Variants in CD180 observed in about 807,000 individuals in gnomAD.
CD180 encodes the protein CD180 molecule, also known as CD180 antigen.
A neutral mutation model predicts 10.7 loss-of-function variants in CD180; 11 were observed. That is an observed-to-expected ratio of 1.03 (90% confidence interval 0.65 to 1.70). CD180 has a LOEUF of 1.70. CD180 is among the 40% of genes most tolerant of loss of function. The pLI, the probability that CD180 is intolerant of heterozygous loss-of-function variation, is 0.00. For missense variants in CD180, 729 were observed against 775.2 expected (o/e 0.94, Z 0.71); for synonymous variants, 286 against 294.6 (o/e 0.97, Z 0.30).
At position 67,196,532 on chromosome 5, in the gene CD180, G is replaced by A. The variant is rs377756708; in HGVS notation, c.90+20C>T. 67 of 1,613,586 alleles carry A rather than the reference G, an allele frequency of 4.2e-5. No individual in the cohort carries two copies. Among genetic ancestry groups the A allele is most frequent in the East Asian group, 2.5e-4 (11 of 44,872 alleles). On this transcript the variant is annotated intron_variant, in intron 1 of 2. Transcript: ENST00000256447. ...TTTCAGACAGTTTAATCTGCATAAA[G>A]ACAAACAGTTTGGACTCACCTCAAT...
At chr5:67,189,122 G>A (rs1037594227) in intron 1 of CD180, among the ~76,000 whole-genome samples, 6 of 152,164 alleles carry the variant, frequency 3.9e-5, no homozygotes, top group East Asian at 1.9e-4. Flanking sequence ...TGTCACATAC[G>A]GTTGGAGAAA....
chr5:67,191,248 C>G (rs1469679110), intron 1 of CD180, among the ~76,000 whole-genome samples: 2 of 152,212 alleles, frequency 1.3e-5, no homozygotes, highest in African/African-American at 4.8e-5. Context: ...TCTCAACCAC[C>G]AAGCTGTGTT....
In CD180 at chr5:67,182,582, T is replaced by A. The variant is rs1237857710; in HGVS notation, c.*275A>T. ...CGGCAGTCCCTGCCCAGTCCCTCCC[T>A]CTGCTTCCTCCCACTCTTCCACATG... On this transcript the variant is annotated 3_prime_UTR_variant, in exon 3 of 3. Transcript: ENST00000256447. 3.7e-6 allele frequency: 1 copy of A among 268,344 alleles called. No homozygotes were observed. Among genetic ancestry groups the A allele is most frequent in the Non-Finnish European group, 7.0e-6 (1 of 142,464 alleles). 16.6% of individuals were successfully genotyped at this position (268,344 alleles called of 1,614,324 possible). A position where few individuals can be genotyped will look rare whatever the true frequency, so the allele number is the denominator to read the frequency against.
At chr5:67,188,886 C>A (rs1742250974) in intron 1 of CD180, among the ~76,000 whole-genome samples, 1 of 152,154 alleles carries the variant, frequency 6.6e-6, no homozygotes, top group Non-Finnish European at 1.5e-5. Context: ...CAGGCACTGC[C>A]ACAAATCCAC....
chr5:67,190,672 C>T (rs150181775), intron 1 of CD180, among the ~76,000 whole-genome samples: 105 of 152,348 alleles, frequency 6.9e-4, no homozygotes, highest in Middle Eastern at 3.4e-3. Context: ...GGGGCATTCG[C>T]TTGGGACTCA....
intron 1 of CD180, among the ~76,000 whole-genome samples, chr5:67,192,568 C>T (rs1384087361): frequency 6.6e-6 from 1 of 152,026 alleles, no homozygotes; most frequent in Non-Finnish European, 1.5e-5. Flanking sequence ...GGGGAGCAGG[C>T]ACGCTGCATG....
Position 67,182,985 on chromosome 5 carries a change from C to T in CD180, c.1858G>A (p.Asp620Asn), listed in dbSNP as rs746362762. The T allele has an allele frequency of 1.9e-6, 3 of 1,614,226 alleles. No homozygotes were observed. Among genetic ancestry groups the T allele is most frequent in the Non-Finnish European group, 2.5e-6 (3 of 1,180,038 alleles). ...PPSLRGVKLS[D>N]VKLSCGITAI... is the part of the protein sequence containing the mutation. ...GTAATCCCACAGGAAAGCTTGACAT[C>T]AGATAGCTTAACTCCCCTTAGAGAT... Residue 620 changes from aspartate to asparagine, a missense_variant, in exon 3 of 3, where the codon GAT becomes AAT. Coordinates refer to ENST00000256447, the MANE Select transcript of CD180 (RefSeq NM_005582.3).
At position 67,184,545 on chromosome 5, in the gene CD180, G is replaced by T. The variant is rs1437964689; in HGVS notation, c.298C>A (p.His100Asn). The change falls in exon 3 of 3, where the codon CAT (histidine) becomes AAT (asparagine). Residue 100 changes from histidine (H) to asparagine (N), a missense_variant. Transcript: ENST00000256447. ...NWIHEDTFQS[H>N]HQLSTLVLTG... is the part of the protein sequence containing the mutation. ...AACACAAGTGTGCTTAATTGATGAT[G>T]GCTTTGAAAAGTGTCTTCATGTATC... is the stretch of plus-strand genomic sequence containing the variant. The T allele has an allele frequency of 6.2e-7, 1 of 1,604,050 alleles. No homozygotes were observed. Among genetic ancestry groups the T allele is most frequent in the Admixed American group, 1.7e-5 (1 of 59,868 alleles).
Position 67,196,555 on chromosome 5 carries a change from A to C in CD180, c.87T>G (p.Ile29Met), listed in dbSNP as rs1742407709. Reference sequence around the variant, plus strand: ...AAGACAAACAGTTTGGACTCACCTCAATGCACATCTGATCCCAGGAGGTGA... The same window carrying C: ...AAGACAAACAGTTTGGACTCACCTCCATGCACATCTGATCCCAGGAGGTGA... ...KVITSWDQMC[I>M]EKEANKTYNC... Residue 29 changes from isoleucine to methionine, a missense_variant, in exon 1 of 3, where the codon ATT becomes ATG. By Grantham distance (10) the Ile-to-Met change is conservative. Coordinates refer to ENST00000256447, the MANE Select transcript of CD180 (RefSeq NM_005582.3). 1.2e-6 allele frequency: 2 copies of C among 1,614,006 alleles called. No homozygotes were observed. The highest frequency in any genetic ancestry group is 1.7e-6 in the Non-Finnish European group (2 of 1,179,990).
At chr5:67,195,992 G>A (rs540839528) in intron 1 of CD180, among the ~76,000 whole-genome samples, 1 of 152,314 alleles carries the variant, frequency 6.6e-6, no homozygotes, top group Admixed American at 6.5e-5. Flanking sequence ...GATAAATATT[G>A]CTATGGTCCA....
At chr5:67,196,103 C>G (rs937723584) in intron 1 of CD180, among the ~76,000 whole-genome samples, 2 of 152,190 alleles carry the variant, frequency 1.3e-5, no homozygotes, top group Admixed American at 6.5e-5. Flanking sequence ...CAGACTCATT[C>G]AGAGTGATCT....
chr5:67,195,518 A>G (rs956551230), intron 1 of CD180, among the ~76,000 whole-genome samples: 1 of 152,232 alleles, frequency 6.6e-6, no homozygotes, highest in Non-Finnish European at 1.5e-5. Context: ...CGCCTGGCCC[A>G]GTCTGTGGCA....
At position 67,184,358 on chromosome 5, in the gene CD180, GA is replaced by G; in HGVS notation, c.484del (p.Ser162ProfsTer14). 6.2e-7 allele frequency: 1 copy of G among 1,614,112 alleles called. No homozygotes were observed. Among genetic ancestry groups the G allele is most frequent in the Non-Finnish European group, 8.5e-7 (1 of 1,179,962 alleles). ...GAAGTCTTTGGGGAACTTAATGGAG[GA>G]AATATGGTTGCTTCCAAGATACAAG... is the stretch of plus-strand genomic sequence containing the variant. ...ESLYLGSNHISSIKFPKDFPA... is the reference protein window; with the variant it reads ...ESLYLGSNHIXSIKFPKDFPA... On this transcript the variant is annotated frameshift_variant, in exon 3 of 3. Coordinates refer to ENST00000256447, the MANE Select transcript of CD180 (RefSeq NM_005582.3). LOFTEE classifies it low-confidence loss of function (END_TRUNC).
chr5:67,182,982 C>T lies in CD180; in HGVS notation c.1861G>A (p.Val621Ile). 6.2e-7 allele frequency: 1 copy of T among 1,614,214 alleles called. No individual in the cohort carries two copies. The highest frequency in any genetic ancestry group is 8.5e-7 in the Non-Finnish European group (1 of 1,180,030). The change falls in exon 3 of 3, where the codon GTC (valine) becomes ATC (isoleucine). Residue 621 changes from valine to isoleucine, a missense_variant. Coordinates refer to ENST00000256447, the MANE Select transcript of CD180 (RefSeq NM_005582.3). ...PSLRGVKLSDVKLSCGITAIG... is the reference protein window; with the variant it reads ...PSLRGVKLSDIKLSCGITAIG... ...GCTGTAATCCCACAGGAAAGCTTGA[C>T]ATCAGATAGCTTAACTCCCCTTAGA...
intron 1 of CD180, chr5:67,191,050 G>A: frequency 1.9e-5 from 19 of 985,398 alleles, no homozygotes; most frequent in Non-Finnish European, 2.0e-5. Context: ...ATCCAAGATA[G>A]AGCAAGTCGA....
chr5:67,190,473 C>T (rs944267147), intron 1 of CD180, among the ~76,000 whole-genome samples: 24 of 152,236 alleles, frequency 1.6e-4, no homozygotes, highest in Non-Finnish European at 2.9e-4. Context: ...TCCTATAAAC[C>T]CAGCCTTCTC....
chr5:67,190,991 A>G (rs1194490450), intron 1 of CD180: 3 of 985,368 alleles, frequency 3.0e-6, no homozygotes, highest in South Asian at 9.4e-5. Flanking sequence ...CCCATGCATC[A>G]GAAGTCTGGG....
At chr5:67,186,126 C>A in intron 1 of CD180, 109 bp from the exon 2 acceptor site, 1 of 669,968 alleles carries the variant, frequency 1.5e-6, no homozygotes, top group Admixed American at 3.2e-5. Flanking sequence ...TTCTAGTAAT[C>A]TTTACCAAAT....
At chr5:67,189,224 C>T (rs1294206563) in intron 1 of CD180, among the ~76,000 whole-genome samples, 1 of 152,218 alleles carries the variant, frequency 6.6e-6, no homozygotes, top group Non-Finnish European at 1.5e-5. Context: ...TATATAAGTG[C>T]CCATGACACC....
Sources: allele counts gnomAD v4.1 joint callset (sites outside exome capture counted in the v4.1 genomes callset), GRCh38; gene constraint gnomAD v4.1.1; transcripts MANE v1.5; gene names NCBI Gene and HGNC (gene_info 2026-07-23, HGNC 2026-07-21).